The following SOX6 variants were observed in gnomAD, a reference collection of about 807,000 sequenced individuals.
SOX6 encodes transcription factor SOX-6.
In SOX6, 11 loss-of-function variants were observed where a neutral mutation model predicts 97.8. That is an observed-to-expected ratio of 0.11 (90% CI 0.07 to 0.19). The LOEUF is 0.19. SOX6 is among the 10% of genes least tolerant of loss of function. SOX6 has a pLI of 1.00. For missense variants in SOX6, 810 were observed against 1,039.5 expected, an observed-to-expected ratio of 0.78 and a Z score of 3.04; for synonymous variants, 360 against 371.4, an observed-to-expected ratio of 0.97 and a Z score of 0.35.
chr11:16,448,974 G>A (rs1481655820), intron 1 of SOX6, among the ~76,000 whole-genome samples: 1 of 152,178 alleles, frequency 6.6e-6, no homozygotes, highest in African/African-American at 2.4e-5. Flanking sequence ...CAAGGCTGCA[G>A]TGCAAGCTAT....
chr11:16,268,495 T>C (rs1167288568), intron 3 of SOX6, among the ~76,000 whole-genome samples: 1 of 151,196 alleles, frequency 6.6e-6, no homozygotes, highest in Non-Finnish European at 1.5e-5. Context: ...TGATATGATA[T>C]ATGATGATAC....
At chr11:16,058,456 C>T (rs942611986) in intron 9 of SOX6, among the ~76,000 whole-genome samples, 3 of 152,010 alleles carry the variant, frequency 2.0e-5, no homozygotes, top group Admixed American at 1.3e-4. Context: ...ATAACAGCAA[C>T]GTTCTAAAAA....
At chr11:16,273,416 T>C (rs1854311409) in intron 3 of SOX6, among the ~76,000 whole-genome samples, 1 of 151,920 alleles carries the variant, frequency 6.6e-6, no homozygotes. Flanking sequence ...TAATCTAGTC[T>C]ATACAATAAA....
At chr11:16,038,739 AG>A (rs1056144321) in intron 12 of SOX6, among the ~76,000 whole-genome samples, 4 of 152,158 alleles carry the variant, frequency 2.6e-5, no homozygotes, top group African/African-American at 9.6e-5. Flanking sequence ...ATTGAAAAAA[AG>A]TGTGTCTGTG....
chr11:16,009,482 G>A (rs1358174646), intron 13 of SOX6, among the ~76,000 whole-genome samples: 1 of 151,928 alleles, frequency 6.6e-6, no homozygotes, highest in Non-Finnish European at 1.5e-5. Context: ...TTATTGGTAG[G>A]GTCTAGAAGT....
chr11:16,725,099 T>C (rs940743522), intron 2 of SOX6, among the ~76,000 whole-genome samples: 3 of 152,112 alleles, frequency 2.0e-5, no homozygotes, highest in Non-Finnish European at 2.9e-5. Flanking sequence ...TAGAAAAAAG[T>C]AGAAACAACC....
At chr11:16,165,165 CT>C (rs1432255665) in intron 6 of SOX6, among the ~76,000 whole-genome samples, 1 of 152,186 alleles carries the variant, frequency 6.6e-6, no homozygotes, top group South Asian at 2.1e-4. Flanking sequence ...GCCATAAATA[CT>C]ACCATCGCAT....
intron 3 of SOX6, among the ~76,000 whole-genome samples, chr11:16,277,052 T>C (rs1157351180): frequency 6.6e-6 from 1 of 152,172 alleles, no homozygotes; most frequent in African/African-American, 2.4e-5. Context: ...GGAGAAGCTA[T>C]ATATGTTAAA....
intron 4 of SOX6, among the ~76,000 whole-genome samples, chr11:16,493,338 GAT>G (rs1332850841): frequency 6.6e-6 from 1 of 152,128 alleles, no homozygotes; most frequent in Non-Finnish European, 1.5e-5. Flanking sequence ...GAAACAAAAG[GAT>G]ATATAAAGAC....
At chr11:16,077,367 C>A (rs1848379237) in intron 9 of SOX6, among the ~76,000 whole-genome samples, 1 of 152,098 alleles carries the variant, frequency 6.6e-6, no homozygotes, top group African/African-American at 2.4e-5. Flanking sequence ...TGTAGGAATG[C>A]AAGTTAGTTC....
intron 9 of SOX6, among the ~76,000 whole-genome samples, chr11:16,058,003 G>C (rs113717382): frequency 6.6e-6 from 1 of 151,798 alleles, no homozygotes. Flanking sequence ...CAGTCTTTTC[G>C]ATCCAAACTC....
At chr11:16,042,715 A>G (rs1365026388) in intron 12 of SOX6, among the ~76,000 whole-genome samples, 1 of 152,142 alleles carries the variant, frequency 6.6e-6, no homozygotes, top group African/African-American at 2.4e-5. Flanking sequence ...CAATTCTTTT[A>G]CTCTACAGTT....
intron 6 of SOX6, among the ~76,000 whole-genome samples, chr11:16,149,025 T>C (rs1850389362): frequency 6.6e-6 from 1 of 152,182 alleles, no homozygotes; most frequent in Non-Finnish European, 1.5e-5. Context: ...GAAAGTCATT[T>C]TGTTGGTTAA....
At chr11:16,437,837 T>G (rs1341406271) in intron 1 of SOX6, among the ~76,000 whole-genome samples, 14 of 152,220 alleles carry the variant, frequency 9.2e-5, no homozygotes, top group Non-Finnish European at 1.5e-5. Flanking sequence ...AAGAGTTGCT[T>G]ATAGTTTCAC....
chr11:15,990,793 C>T (rs1854026181), intron 13 of SOX6, among the ~76,000 whole-genome samples: 1 of 152,152 alleles, frequency 6.6e-6, no homozygotes, highest in African/African-American at 2.4e-5. Context: ...GCAAAATATA[C>T]ATTAAAACCA....
intron 3 of SOX6, among the ~76,000 whole-genome samples, chr11:16,281,441 A>G (rs1854561689): frequency 6.6e-6 from 1 of 152,070 alleles, no homozygotes; most frequent in Non-Finnish European, 1.5e-5. Flanking sequence ...ATCTTTACAA[A>G]GACACACATA....
chr11:16,551,728 T>C (rs1589982281), intron 4 of SOX6, among the ~76,000 whole-genome samples: 1 of 151,998 alleles, frequency 6.6e-6, no homozygotes, highest in Admixed American at 6.6e-5. Flanking sequence ...CTCAGCCTCC[T>C]GAGTAGCTGG....
chr11:16,379,447 C>A (rs773351851), intron 1 of SOX6, among the ~76,000 whole-genome samples: 1 of 150,840 alleles, frequency 6.6e-6, no homozygotes, highest in African/African-American at 2.4e-5. Flanking sequence ...GCCTGAGCAA[C>A]AAGAGCAAAA....
intron 6 of SOX6, among the ~76,000 whole-genome samples, chr11:16,142,977 T>C (rs1302558378): frequency 6.6e-6 from 1 of 152,034 alleles, no homozygotes; most frequent in Non-Finnish European, 1.5e-5. Context: ...CAGGCCAACA[T>C]TCAAATTCAG....
Sources: allele counts gnomAD v4.1 joint callset (sites outside exome capture counted in the v4.1 genomes callset), GRCh38; gene constraint gnomAD v4.1.1; transcripts MANE v1.5; gene names NCBI Gene and HGNC (gene_info 2026-07-23, HGNC 2026-07-21).